EPB41L2: variants seen among roughly 807,000 people sequenced by gnomAD.
EPB41L2 encodes band 4.1-like protein 2.
EPB41L2 carries 43 observed loss-of-function variants against 113.0 expected under a neutral mutation model. The observed-to-expected ratio is 0.38, with a 90% CI of 0.30 to 0.49. The LOEUF (loss-of-function observed/expected upper bound fraction) is 0.49. EPB41L2 is among the 20% of genes least tolerant of loss of function. EPB41L2 has a pLI of 0.95. For synonymous variants in EPB41L2, 442 were observed against 436.7 expected (o/e 1.01, Z -0.15); for missense variants, 1,147 against 1,223.4 (o/e 0.94, Z 0.93).
At chr6:130,928,694 C>T (rs1805650178) in intron 3 of EPB41L2, among the ~76,000 whole-genome samples, 1 of 152,248 alleles carries the variant, frequency 6.6e-6, no homozygotes, top group Non-Finnish European at 1.5e-5. Flanking sequence ...CTCACCACTA[C>T]AATTTGGCAG....
intron 1 of EPB41L2, among the ~76,000 whole-genome samples, chr6:131,015,658 CAA>C (rs1788022413): frequency 2.0e-5 from 3 of 152,288 alleles, no homozygotes; most frequent in Admixed American, 1.3e-4. Flanking sequence ...TTCTAAAAAA[CAA>C]AAGAGATGAA....
chr6:130,970,060 C>T lies in EPB41L2; in HGVS notation c.-14-13561G>A, dbSNP rs1453951053. On this transcript the variant is annotated intron_variant, in intron 1 of 19. Coordinates refer to ENST00000337057, the MANE Select transcript of EPB41L2 (RefSeq NM_001431.4). ...GCCCAATGGAAAAATGTATTTTTCA[C>T]AGGGCTTAGTTCAAATATCACAACA... Among the ~76,000 whole-genome samples, 3 of 152,292 alleles carry T rather than the reference C, an allele frequency of 2.0e-5. No individual in the cohort carries two copies. The South Asian group carries it at 6.2e-4, about 32-fold the overall frequency.
At chr6:130,871,435 C>A (rs1454352178) in intron 14 of EPB41L2, among the ~76,000 whole-genome samples, 2 of 152,174 alleles carry the variant, frequency 1.3e-5, no homozygotes, top group Non-Finnish European at 2.9e-5. Flanking sequence ...ACTGAGCCCT[C>A]TGGATATTGT....
intron 5 of EPB41L2, 52 bp downstream of exon 5, chr6:130,908,769 A>T: frequency 7.2e-7 from 1 of 1,393,832 alleles, no homozygotes; most frequent in Non-Finnish European, 1.0e-6. Context: ...TTTATATCAC[A>T]AATAGATATC....
chr6:130,883,525 G>A (rs958141329), intron 12 of EPB41L2, among the ~76,000 whole-genome samples: 3 of 152,214 alleles, frequency 2.0e-5, no homozygotes, highest in Admixed American at 6.5e-5. Flanking sequence ...GTACCCAGTT[G>A]TTCACCGCAG....
At chr6:131,018,090 G>A (rs186512375) in intron 1 of EPB41L2, among the ~76,000 whole-genome samples, 53 of 152,260 alleles carry the variant, frequency 3.5e-4, no homozygotes, top group South Asian at 2.3e-3. Flanking sequence ...AGCTAGAACA[G>A]ACCCAAGTAC....
chr6:130,976,028 A>AAAAAC (rs369667237), intron 1 of EPB41L2, among the ~76,000 whole-genome samples: 28 of 152,278 alleles, frequency 1.8e-4, no homozygotes, highest in East Asian at 7.7e-4. Flanking sequence ...ACTCCGTCTC[A>AAAAAC]AAAACAAAAC....
rs550704620 is a variant in EPB41L2, at chr6:130,854,489, T to C, written c.*5+3642A>G. Among the ~76,000 whole-genome samples the C allele has an allele frequency of 2.0e-5, 3 of 152,278 alleles. No homozygotes were observed. The East Asian group carries it at 5.8e-4, about 29-fold the overall frequency. ...AAAGTTGTGTGTGTGTCTGTGTGTG[T>C]CCATTGTAAAAATGAACATAAGGTG... On this transcript the variant is annotated intron_variant, in intron 19 of 19. Transcript: ENST00000337057.
intron 1 of EPB41L2, among the ~76,000 whole-genome samples, chr6:130,957,182 C>T (rs1210263734): frequency 6.6e-6 from 1 of 152,200 alleles, no homozygotes; most frequent in African/African-American, 2.4e-5. Context: ...CATAATCACA[C>T]TTTTCTTTCT....
At position 130,954,036 on chromosome 6, in the gene EPB41L2, C is replaced by CTTTTTTTTTT. The variant is rs1816328530; in HGVS notation, c.705+1068_705+1069insAAAAAAAAAA. On this transcript the variant is annotated intron_variant, in intron 3 of 19. Transcript: ENST00000337057. Reference sequence around the variant, plus strand: ...TTAATCCTCTTTTGCTAGTCCTTTTCTTTCTTTTTTTTTTTTTTTTTTTTT... The same window carrying CTTTTTTTTTT: ...TTAATCCTCTTTTGCTAGTCCTTTTCTTTTTTTTTTTTTCTTTTTTTTTTTTTTTTTTTTT... Among the ~76,000 whole-genome samples, 11 of 45,520 alleles carry CTTTTTTTTTT rather than the reference C, an allele frequency of 2.4e-4. 1 individual carries two copies. The highest frequency in any genetic ancestry group is 5.2e-4 in the African/African-American group (9 of 17,178). The allele number at this position is 45,520 out of a possible 152,430, so 29.9% of individuals were successfully genotyped here.
intron 3 of EPB41L2, among the ~76,000 whole-genome samples, chr6:130,927,696 A>AT (rs1805233247): frequency 6.6e-6 from 1 of 152,226 alleles, no homozygotes. Context: ...TGGTATTTTT[A>AT]TTATTAAGCC....
intron 14 of EPB41L2, among the ~76,000 whole-genome samples, chr6:130,872,910 C>T (rs1007968801): frequency 6.6e-6 from 1 of 152,172 alleles, no homozygotes; most frequent in Non-Finnish European, 1.5e-5. Context: ...ATGCTTATTC[C>T]TGTGTTACAG....
intron 15 of EPB41L2, 73 bp downstream of exon 15, chr6:130,869,490 G>A: frequency 7.4e-7 from 1 of 1,346,108 alleles, no homozygotes; most frequent in South Asian, 1.3e-5. Context: ...GGGAGGACAG[G>A]AGAAGAAAGG....
rs150751763 is a variant in EPB41L2, at chr6:131,055,950, G to A, written c.-15+7205C>T. On this transcript the variant is annotated intron_variant, in intron 1 of 19. Transcript: ENST00000337057. ...AAAGCTAGAACTGAGCATAAAATGCGTGCGTCAGGGACAGGTTAAGCAAAG... is the reference window on the plus strand; with the variant it reads ...AAAGCTAGAACTGAGCATAAAATGCATGCGTCAGGGACAGGTTAAGCAAAG... Among the ~76,000 whole-genome samples the A allele has an allele frequency of 8.6e-3, 1,315 of 152,216 alleles. 10 individuals carry two copies. Among genetic ancestry groups the A allele is most frequent in the South Asian group, 0.021 (103 of 4,824 alleles).
chr6:130,992,636 C>T (rs1782151651), intron 1 of EPB41L2, among the ~76,000 whole-genome samples: 1 of 145,364 alleles, frequency 6.9e-6, no homozygotes, highest in Non-Finnish European at 1.5e-5. Context: ...AATTCAAATT[C>T]TTTTTTTTTT....
chr6:130,914,936 T>C (rs886572988), intron 4 of EPB41L2, among the ~76,000 whole-genome samples: 1 of 152,142 alleles, frequency 6.6e-6, no homozygotes, highest in Non-Finnish European at 1.5e-5. Context: ...ATAATAAAAG[T>C]TATAAGGAAT....
chr6:130,916,546 C>G (rs1409726686), intron 4 of EPB41L2, among the ~76,000 whole-genome samples: 1 of 152,188 alleles, frequency 6.6e-6, no homozygotes, highest in Non-Finnish European at 1.5e-5. Flanking sequence ...CGGCCTAACT[C>G]TTGCCTCAGT....
At chr6:131,053,930 G>C (rs1002626185) in intron 1 of EPB41L2, among the ~76,000 whole-genome samples, 5 of 152,220 alleles carry the variant, frequency 3.3e-5, no homozygotes, top group African/African-American at 1.2e-4. Flanking sequence ...GGGAGGCACA[G>C]GAAACCATGG....
At chr6:131,057,846 T>C (rs1797886786) in intron 1 of EPB41L2, among the ~76,000 whole-genome samples, 1 of 152,190 alleles carries the variant, frequency 6.6e-6, no homozygotes, top group African/African-American at 2.4e-5. Context: ...ACCTAGGCAA[T>C]AAGGTCCGAT....
Sources: allele counts gnomAD v4.1 joint callset (sites outside exome capture counted in the v4.1 genomes callset), GRCh38; gene constraint gnomAD v4.1.1; transcripts MANE v1.5; gene names NCBI Gene and HGNC (gene_info 2026-07-23, HGNC 2026-07-21).